MBTD1: variants seen among roughly 807,000 people sequenced by gnomAD.
MBTD1 encodes MBT domain-containing protein 1.
Under a neutral mutation model 87.8 loss-of-function variants are expected in MBTD1, and 24 were observed. That is an observed-to-expected ratio of 0.27 (90% CI 0.20 to 0.38). The LOEUF (loss-of-function observed/expected upper bound fraction) is 0.38, where lower values mean the gene tolerates loss of function less well. MBTD1 is among the 10% of genes least tolerant of loss of function. MBTD1 has a pLI of 1.00. For missense variants in MBTD1, 436 were observed against 760.2 expected (o/e 0.57, Z 5.02); for synonymous variants, 237 against 248.6 (o/e 0.95, Z 0.44).
chr17:51,214,088 T>C (rs895384968), intron 6 of MBTD1, among the ~76,000 whole-genome samples: 16 of 151,634 alleles, frequency 1.1e-4, no homozygotes, highest in African/African-American at 3.9e-4. Context: ...CATATATATA[T>C]ACATACACAC....
intron 7 of MBTD1, among the ~76,000 whole-genome samples, chr17:51,204,497 T>TTA (rs35086234): frequency 0.44 from 63,108 of 144,300 alleles, 15,059 homozygotes; most frequent in South Asian, 0.63. Flanking sequence ...TTATATATAA[T>TTA]TATATATATA....
chr17:51,216,277 G>A (rs1221171008), intron 6 of MBTD1, among the ~76,000 whole-genome samples: 1 of 152,122 alleles, frequency 6.6e-6, no homozygotes, highest in African/African-American at 2.4e-5. Context: ...AAAAGTTCAT[G>A]TATTTTCTAA....
intron 2 of MBTD1, among the ~76,000 whole-genome samples, chr17:51,257,947 G>C (rs914502484): frequency 1.3e-5 from 2 of 150,950 alleles, no homozygotes; most frequent in South Asian, 2.1e-4. Flanking sequence ...GTACTCACAA[G>C]CAATCAGTAT....
chr17:51,214,566 G>A (rs3928968), intron 6 of MBTD1, among the ~76,000 whole-genome samples: 1 of 152,292 alleles, frequency 6.6e-6, no homozygotes, highest in South Asian at 2.1e-4. Context: ...TATTCTAGAA[G>A]AAGAGGTTGG....
rs2051593547 is a variant in MBTD1 at position 51,203,134 on chromosome 17, T to C, written c.828+6A>G. On this transcript the variant is annotated splice_donor_region_variant and intron_variant, in intron 9 of 16. Coordinates refer to ENST00000586178, the MANE Select transcript of MBTD1 (RefSeq NM_017643.3). ...TCTTCAGTCTTTATAAGATCCTGTT[T>C]TTTACCTTTTGGGAGAAATCAGGAG... The C allele has an allele frequency of 6.3e-7, 1 of 1,595,906 alleles. No individual in the cohort carries two copies. The highest frequency in any genetic ancestry group is 2.2e-5 in the East Asian group (1 of 44,790).
rs142781316 is a variant in MBTD1 at position 51,232,359 on chromosome 17, CATA to C, written c.-48-7153_-48-7151del. 2.2e-4 allele frequency among the ~76,000 whole-genome samples: 33 copies of C among 152,160 alleles called. No individual in the cohort carries two copies. In the East Asian group the frequency reaches 4.8e-3, roughly 22 times the overall value. On this transcript the variant is annotated intron_variant, in intron 2 of 16. Transcript: ENST00000586178. ...TGAGCGCACGATCAAATAGCAAACA[CATA>C]ATAAGTAATCCACCATGAGCAAGCA...
chr17:51,199,086 G>A (rs2051309292), intron 12 of MBTD1, among the ~76,000 whole-genome samples: 1 of 151,810 alleles, frequency 6.6e-6, no homozygotes, highest in African/African-American at 2.4e-5. Flanking sequence ...ATGAGGCACT[G>A]CACGCAGTCT....
intron 5 of MBTD1, 37 bp downstream of exon 5, chr17:51,218,893 T>C (rs1314979353): frequency 1.7e-6 from 2 of 1,145,956 alleles, no homozygotes; most frequent in African/African-American, 3.1e-5. Flanking sequence ...TGAATCAATG[T>C]CATATATTTC....
intron 16 of MBTD1, among the ~76,000 whole-genome samples, chr17:51,190,972 T>C (rs1439839958): frequency 1.3e-5 from 2 of 151,476 alleles, no homozygotes; most frequent in Non-Finnish European, 2.9e-5. Context: ...TGGTCCAAGC[T>C]ACTCAGGAGG....
intron 6 of MBTD1, among the ~76,000 whole-genome samples, chr17:51,211,567 G>A (rs2052221672): frequency 6.6e-6 from 1 of 150,918 alleles, no homozygotes; most frequent in South Asian, 2.1e-4. Context: ...CTGCTTTCCC[G>A]CAGAGAGTTT....
intron 2 of MBTD1, among the ~76,000 whole-genome samples, chr17:51,246,235 T>C (rs1365812570): frequency 2.6e-5 from 4 of 152,206 alleles, no homozygotes; most frequent in Admixed American, 2.0e-4. Flanking sequence ...CTTATACACA[T>C]AGCCTGAAGA....
rs60957699 is a variant in MBTD1, at chr17:51,179,484, T to TATACA, written c.*1091_*1092insTGTAT. On this transcript the variant is annotated 3_prime_UTR_variant, in exon 17 of 17. Coordinates refer to ENST00000586178, the MANE Select transcript of MBTD1 (RefSeq NM_017643.3). ...ATCCTGAATACAATTAAAGACAATT[T>TATACA]TATATATATATATATATATATATAT... 19 of 35,306 alleles carry TATACA rather than the reference T, an allele frequency of 5.4e-4. No individual in the cohort carries two copies. The highest frequency in any genetic ancestry group is 1.4e-3 in the African/African-American group (17 of 11,912). The allele number at this position is 35,306 out of a possible 1,614,324, so 2.2% of individuals were successfully genotyped here. A position where few individuals can be genotyped will look rare whatever the true frequency, so the allele number is the denominator to read the frequency against.
intron 6 of MBTD1, among the ~76,000 whole-genome samples, chr17:51,215,873 C>T (rs2052536196): frequency 6.6e-6 from 1 of 150,672 alleles, no homozygotes; most frequent in Admixed American, 6.6e-5. Context: ...ATTTCTACAA[C>T]AGGAACCTAA....
chr17:51,248,427 G>C (rs1035659757), intron 2 of MBTD1, among the ~76,000 whole-genome samples: 1 of 152,068 alleles, frequency 6.6e-6, no homozygotes, highest in Non-Finnish European at 1.5e-5. Context: ...TTTGCAATTT[G>C]TGTTTCCCTT....
intron 3 of MBTD1, among the ~76,000 whole-genome samples, chr17:51,223,246 G>C (rs1167639678): frequency 1.3e-5 from 2 of 151,944 alleles, no homozygotes. Context: ...AAATTTCTAA[G>C]ACTGGGCAGG....
chr17:51,259,166 G>A lies in MBTD1; in HGVS notation c.-72C>T. ...ACCACTTGTCAGAGAGGCTGCAGAG[G>A]GGACGGCTGCTTTGGATGACCTCTA... On this transcript the variant is annotated 5_prime_UTR_variant, in exon 2 of 17. Transcript: ENST00000586178. 2 of 888,546 alleles carry A rather than the reference G, an allele frequency of 2.3e-6. No homozygotes were observed. Among genetic ancestry groups the A allele is most frequent in the Non-Finnish European group, 3.0e-6 (2 of 673,962 alleles). The allele number at this position is 888,546 out of a possible 1,614,324, so 55.0% of individuals were successfully genotyped here. A position where few individuals can be genotyped will look rare whatever the true frequency, so the allele number is the denominator to read the frequency against.
At chr17:51,227,167 G>A (rs1046659997) in intron 2 of MBTD1, among the ~76,000 whole-genome samples, 2 of 150,578 alleles carry the variant, frequency 1.3e-5, no homozygotes, top group Middle Eastern at 3.5e-3. Context: ...GCATGAACCT[G>A]GGAGGCGGAG....
At chr17:51,240,495 T>C (rs940511686) in intron 2 of MBTD1, among the ~76,000 whole-genome samples, 4 of 152,202 alleles carry the variant, frequency 2.6e-5, no homozygotes, top group African/African-American at 9.7e-5. Flanking sequence ...CTGACTGTTC[T>C]ATTGGAATTT....
intron 16 of MBTD1, among the ~76,000 whole-genome samples, chr17:51,181,421 T>A (rs2050309044): frequency 6.6e-6 from 1 of 151,760 alleles, no homozygotes; most frequent in South Asian, 2.1e-4. Context: ...CATAAGGATG[T>A]AACATATATT....
Sources: allele counts gnomAD v4.1 joint callset (sites outside exome capture counted in the v4.1 genomes callset), GRCh38; gene constraint gnomAD v4.1.1; transcripts MANE v1.5; gene names NCBI Gene and HGNC (gene_info 2026-07-23, HGNC 2026-07-21).